The following PTCSC3 variants were observed in gnomAD, a reference collection of about 807,000 sequenced individuals.
PTCSC3 encodes papillary thyroid carcinoma susceptibility candidate 3, also known as papillary thyroid carcinoma susceptibility candidate 3 (non-protein coding).
chr14:36,144,287 A>G (rs28839303), intron 3 of PTCSC3, among the ~76,000 whole-genome samples: 14,039 of 145,870 alleles, frequency 0.096, 831 homozygotes, highest in Middle Eastern at 0.16. Flanking sequence ...CTTCCTACTC[A>G]TGAGCATGGA....
At chr14:36,141,535 T>A (rs1881420712) in intron 3 of PTCSC3, among the ~76,000 whole-genome samples, 1 of 152,062 alleles carries the variant, frequency 6.6e-6, no homozygotes, top group East Asian at 1.9e-4. Context: ...GTATTTTTAG[T>A]AGAGACGGGG....
intron 3 of PTCSC3, among the ~76,000 whole-genome samples, chr14:36,150,583 G>A (rs576691184): frequency 3.8e-4 from 58 of 152,184 alleles, no homozygotes; most frequent in Non-Finnish European, 7.7e-4. Context: ...ATTTTAAATT[G>A]TTTTCTATTT....
rs576389427 is a variant in PTCSC3, at chr14:36,175,763, T to C, written n.171+535A>G. ...CTTTGGGATCACTGGAGTAACTTCA[T>C]TGAACACTAAGAAAACCTAGTTAGA... On this transcript the variant is annotated intron_variant and non_coding_transcript_variant, in intron 1 of 3. Coordinates refer to ENST00000556013, the Ensembl canonical transcript of PTCSC3. 8.5e-5 allele frequency among the ~76,000 whole-genome samples: 13 copies of C among 152,360 alleles called. No individual in the cohort carries two copies. In the East Asian group the frequency reaches 9.6e-4, roughly 11 times the overall value.
intron 2 of PTCSC3, among the ~76,000 whole-genome samples, chr14:36,155,686 C>T (rs1255616778): frequency 6.6e-6 from 1 of 152,104 alleles, no homozygotes; most frequent in Non-Finnish European, 1.5e-5. Flanking sequence ...TCCTCTCTTT[C>T]TCTGTGTCCT....
intron 3 of PTCSC3, among the ~76,000 whole-genome samples, chr14:36,138,583 A>G (rs538851831): frequency 6.6e-6 from 1 of 152,228 alleles, no homozygotes; most frequent in Non-Finnish European, 1.5e-5. Flanking sequence ...ATACGAAAAG[A>G]TGTTCAACAT....
At chr14:36,142,552 T>G (rs1374216050) in intron 3 of PTCSC3, among the ~76,000 whole-genome samples, 1 of 152,208 alleles carries the variant, frequency 6.6e-6, no homozygotes, top group African/African-American at 2.4e-5. Flanking sequence ...TTGTGAAGAA[T>G]TGTTATCATT....
intron 1 of PTCSC3, among the ~76,000 whole-genome samples, chr14:36,165,982 A>G (rs1882077898): frequency 6.6e-6 from 1 of 152,208 alleles, no homozygotes; most frequent in Non-Finnish European, 1.5e-5. Flanking sequence ...AAATACAGTC[A>G]GAGGCATTAT....
intron 3 of PTCSC3, among the ~76,000 whole-genome samples, chr14:36,148,669 C>T (rs553927144): frequency 3.7e-4 from 57 of 152,320 alleles, no homozygotes; most frequent in African/African-American, 1.0e-3. Flanking sequence ...TGTTCCTATT[C>T]GGCCATCTTG....
At chr14:36,167,116 T>G (rs1882104319) in intron 1 of PTCSC3, among the ~76,000 whole-genome samples, 1 of 152,204 alleles carries the variant, frequency 6.6e-6, no homozygotes, top group Non-Finnish European at 1.5e-5. Flanking sequence ...ACAAGCACAT[T>G]TGTAAAAGAG....
intron 2 of PTCSC3, among the ~76,000 whole-genome samples, chr14:36,161,928 C>G (rs1410149734): frequency 6.6e-6 from 1 of 152,184 alleles, no homozygotes; most frequent in Non-Finnish European, 1.5e-5. Context: ...AATCTGGAGA[C>G]GCAGTCTGGC....
At chr14:36,136,964 A>G (rs984865714) in intron 3 of PTCSC3, among the ~76,000 whole-genome samples, 4 of 152,260 alleles carry the variant, frequency 2.6e-5, no homozygotes, top group African/African-American at 9.6e-5. Context: ...CAAACAACAC[A>G]AAGTCCTTAT....
chr14:36,158,218 C>G (rs1442965555), intron 2 of PTCSC3, among the ~76,000 whole-genome samples: 1 of 152,166 alleles, frequency 6.6e-6, no homozygotes, highest in Admixed American at 6.5e-5. Context: ...ATTTGACTTC[C>G]TCTTTTCTTA....
At chr14:36,173,114 G>C (rs868280269) in intron 1 of PTCSC3, among the ~76,000 whole-genome samples, 1 of 152,006 alleles carries the variant, frequency 6.6e-6, no homozygotes, top group Non-Finnish European at 1.5e-5. Flanking sequence ...AATTAGTCTT[G>C]TGCTATCTAT....
intron 3 of PTCSC3, among the ~76,000 whole-genome samples, chr14:36,137,265 A>G (rs61995157): frequency 0.081 from 12,283 of 152,182 alleles, 593 homozygotes; most frequent in Middle Eastern, 0.2. Context: ...TAGGTACAAC[A>G]ACGAGGCCAG....
At chr14:36,150,941 T>A (rs201046292) in intron 3 of PTCSC3, among the ~76,000 whole-genome samples, 15 of 151,872 alleles carry the variant, frequency 9.9e-5, no homozygotes, top group East Asian at 3.9e-4. Context: ...GGTATTTTTT[T>A]AAAAAAACCT....
chr14:36,135,102 A>T (rs1881256132), downstream of PTCSC3, among the ~76,000 whole-genome samples: 1 of 152,238 alleles, frequency 6.6e-6, no homozygotes, highest in Admixed American at 6.5e-5. Flanking sequence ...GACAACTAGG[A>T]ACAACTTGAG....
At chr14:36,173,265 T>A (rs1303961659) in intron 1 of PTCSC3, among the ~76,000 whole-genome samples, 1 of 152,124 alleles carries the variant, frequency 6.6e-6, no homozygotes, top group Non-Finnish European at 1.5e-5. Context: ...AGAAGAATTT[T>A]AAAAAATGTA....
intron 1 of PTCSC3, among the ~76,000 whole-genome samples, chr14:36,168,417 G>A (rs1425248846): frequency 1.4e-5 from 2 of 139,038 alleles, no homozygotes; most frequent in Non-Finnish European, 3.0e-5. Flanking sequence ...TTGTGTGGCT[G>A]CAGAAATACT....
chr14:36,140,041 T>C (rs1881383777), intron 3 of PTCSC3, among the ~76,000 whole-genome samples: 1 of 152,326 alleles, frequency 6.6e-6, no homozygotes, highest in African/African-American at 2.4e-5. Flanking sequence ...TTATTCCCTC[T>C]ATTGTTTTAC....
Sources: gnomAD v4.1 joint callset for allele counts (sites outside exome capture counted in the v4.1 genomes callset) on GRCh38, gnomAD v4.1.1 for gene constraint, MANE v1.5 for transcripts, NCBI Gene and HGNC (gene_info 2026-07-23, HGNC 2026-07-21) for gene names.